The following RB1 variants were observed in gnomAD, a reference collection of about 807,000 sequenced individuals.
RB1 encodes retinoblastoma-associated protein.
Under a neutral mutation model 135.4 loss-of-function variants are expected in RB1, and 18 were observed. The ratio of observed to expected loss-of-function variants is 0.13; its 90% CI spans 0.09 to 0.20. The LOEUF is 0.20. RB1 is among the 10% of genes least tolerant of loss of function. RB1 has a pLI of 1.00. For synonymous variants in RB1, 365 were observed against 373.2 expected (o/e 0.98, Z 0.25); for missense variants, 868 against 1,110.0 (o/e 0.78, Z 3.10).
chr13:48,388,856 G>T (rs1358077084), intron 17 of RB1, among the ~76,000 whole-genome samples: 1 of 152,026 alleles, frequency 6.6e-6, no homozygotes, highest in African/African-American at 2.4e-5. Context: ...AAAATCAGGA[G>T]AAGTGGTATC....
Position 48,379,641 on chromosome 13 carries a change from G to A in RB1, c.1380G>A (p.Met460Ile), listed in dbSNP as rs1948514475. ...TGTATTACCGAGTAATGGAATCCAT[G>A]CTTAAATCAGTAAGTTAAAAACAAT... is the stretch of plus-strand genomic sequence containing the variant. ...VRLYYRVMES[M>I]LKSEEERLSI... Residue 460 changes from methionine (M) to isoleucine (I), a missense_variant, in exon 14 of 27, where the codon ATG becomes ATA. By Grantham distance (10) the Met-to-Ile change is conservative. Around this residue, in one of 3 missense-constraint regions of RB1, gnomAD observed 641 missense variants for 791.3 expected, o/e 0.81. Coordinates refer to ENST00000267163, the MANE Select transcript of RB1 (RefSeq NM_000321.3). The A allele has an allele frequency of 6.2e-7, 1 of 1,611,742 alleles. No homozygotes were observed. Among genetic ancestry groups the A allele is most frequent in the Non-Finnish European group, 8.5e-7 (1 of 1,179,436 alleles).
At chr13:48,349,090 A>G in intron 6 of RB1, 67 bp downstream of exon 6, 1 of 1,495,722 alleles carries the variant, frequency 6.7e-7, no homozygotes, top group Non-Finnish European at 9.1e-7. Context: ...ATTCCTTTGG[A>G]CTAAATTCCC....
chr13:48,327,522 T>C (rs1360391749), intron 2 of RB1, among the ~76,000 whole-genome samples: 1 of 152,216 alleles, frequency 6.6e-6, no homozygotes, highest in Non-Finnish European at 1.5e-5. Flanking sequence ...TATCCACTGA[T>C]AGCAATGCAA....
intron 17 of RB1, among the ~76,000 whole-genome samples, chr13:48,430,476 C>T (rs1949117705): frequency 6.6e-6 from 1 of 152,134 alleles, no homozygotes; most frequent in Non-Finnish European, 1.5e-5. Flanking sequence ...CACTGTGGCT[C>T]ATGCCTATAA....
intron 2 of RB1, among the ~76,000 whole-genome samples, chr13:48,313,370 A>AT (rs397816366): frequency 0.23 from 32,394 of 139,410 alleles, 3,646 homozygotes; most frequent in South Asian, 0.28. Flanking sequence ...CCAGTTTTCT[A>AT]TTTTTTTTTT....
chr13:48,362,775 G>A (rs1952654527), intron 7 of RB1, 40 bp from the exon 8 acceptor site: 3 of 1,579,534 alleles, frequency 1.9e-6, no homozygotes. Flanking sequence ...TTTATATGAT[G>A]GATGTACAAT....
At chr13:48,332,987 T>C (rs1952350216) in intron 2 of RB1, 1 of 398,332 alleles carries the variant, frequency 2.5e-6, no homozygotes, top group Non-Finnish European at 4.4e-6. Context: ...ATAAAAAGTA[T>C]GTGAATGTAG....
chr13:48,425,174 A>T (rs1317101350), intron 17 of RB1, among the ~76,000 whole-genome samples: 2 of 152,230 alleles, frequency 1.3e-5, no homozygotes, highest in African/African-American at 2.4e-5. Flanking sequence ...CTTCTTGAGG[A>T]GATGATGTGT....
chr13:48,345,272 A>C, intron 4 of RB1, 73 bp downstream of exon 4: 1 of 1,488,980 alleles, frequency 6.7e-7, no homozygotes, highest in Non-Finnish European at 9.3e-7. Flanking sequence ...TCTGGGAATT[A>C]TTTAACACAT....
chr13:48,368,185 T>C (rs1952722576), intron 10 of RB1, among the ~76,000 whole-genome samples: 2 of 152,198 alleles, frequency 1.3e-5, no homozygotes, highest in African/African-American at 2.4e-5. Flanking sequence ...GAAGGAATAA[T>C]GCATTGAAAA....
chr13:48,432,214 C>T (rs1284449582), intron 17 of RB1, among the ~76,000 whole-genome samples: 2 of 152,066 alleles, frequency 1.3e-5, no homozygotes, highest in Non-Finnish European at 2.9e-5. Flanking sequence ...GGGAATTAAC[C>T]TTTAACTGAT....
chr13:48,366,050 G>A (rs1359747565), intron 9 of RB1, among the ~76,000 whole-genome samples: 1 of 152,156 alleles, frequency 6.6e-6, no homozygotes, highest in African/African-American at 2.4e-5. Context: ...GTGCAGTGAT[G>A]TATGATAGTA....
At position 48,317,533 on chromosome 13, in the gene RB1, C is replaced by T. The variant is rs1952196751; in HGVS notation, c.264+10127C>T. ...CCCCCCAGCACCTCCGGCCTCGGTG[C>T]CCGCTGTGGCACTGCTGGGCAGCTG... On this transcript the variant is annotated intron_variant, in intron 2 of 26. Transcript: ENST00000267163. 6.8e-6 allele frequency: 3 copies of T among 437,960 alleles called. No homozygotes were observed. The East Asian group carries it at 1.8e-4, about 26-fold the overall frequency. The allele number at this position is 437,960 out of a possible 1,614,324, so 27.1% of individuals were successfully genotyped here. A position where few individuals can be genotyped will look rare whatever the true frequency, so the allele number is the denominator to read the frequency against.
At chr13:48,423,055 G>A (rs534999234) in intron 17 of RB1, among the ~76,000 whole-genome samples, 13 of 152,086 alleles carry the variant, frequency 8.5e-5, no homozygotes, top group South Asian at 8.3e-4. Context: ...ACTTGGGCCC[G>A]GGAGATTGAG....
intron 17 of RB1, among the ~76,000 whole-genome samples, chr13:48,403,875 T>A (rs1023608795): frequency 1.3e-5 from 2 of 151,880 alleles, no homozygotes; most frequent in Admixed American, 6.6e-5. Context: ...AAAATGCACC[T>A]CTGTAGTCCC....
intron 23 of RB1, among the ~76,000 whole-genome samples, chr13:48,472,767 ATC>A (rs1949479928): frequency 6.6e-6 from 1 of 152,150 alleles, no homozygotes; most frequent in Admixed American, 6.5e-5. Flanking sequence ...GGGCAAAAAA[ATC>A]TCTATATTCA....
At chr13:48,441,692 A>C (rs1949238274) in intron 17 of RB1, among the ~76,000 whole-genome samples, 1 of 152,204 alleles carries the variant, frequency 6.6e-6, no homozygotes, top group Non-Finnish European at 1.5e-5. Flanking sequence ...AGCAATTTTT[A>C]ACAAAAAAGT....
intron 2 of RB1, chr13:48,318,344 C>T: frequency 8.5e-6 from 12 of 1,410,638 alleles, no homozygotes; most frequent in East Asian, 2.4e-5. Flanking sequence ...TGCACGCAGC[C>T]CTGGGTTCCC....
intron 11 of RB1, 69 bp downstream of exon 11, chr13:48,368,673 G>GT (rs1952728285): frequency 1.3e-6 from 2 of 1,562,474 alleles, no homozygotes; most frequent in Non-Finnish European, 1.7e-6. Context: ...TTTCAGATTT[G>GT]TTCACGTTTC....
Sources: gnomAD v4.1 joint callset for allele counts (sites outside exome capture counted in the v4.1 genomes callset) on GRCh38, gnomAD v4.1.1 for gene constraint, gnomAD v4.1.1 regional missense constraint, MANE v1.5 for transcripts, NCBI Gene and HGNC (gene_info 2026-07-23, HGNC 2026-07-21) for gene names.